The following MAML3 variants were observed in gnomAD, a reference collection of about 807,000 sequenced individuals.
MAML3 encodes the protein mastermind like transcriptional coactivator 3, also known as mastermind-like protein 3.
Under a neutral mutation model 101.9 loss-of-function variants are expected in MAML3, and 27 were observed. That is an observed-to-expected ratio of 0.27 (90% CI 0.20 to 0.37). MAML3 has a LOEUF of 0.37. Among genes scored for constraint, MAML3 ranks in the 10% least tolerant of loss-of-function variants. The probability of loss-of-function intolerance (pLI) is 1.00; values close to 1 mark genes in which losing one functional copy is unlikely to be tolerated. For synonymous variants in MAML3, 501 were observed against 555.9 expected, an observed-to-expected ratio of 0.90 and a Z score of 1.39; for missense variants, 1,316 against 1,444.9, an observed-to-expected ratio of 0.91 and a Z score of 1.45.
intron 1 of MAML3, among the ~76,000 whole-genome samples, chr4:139,943,576 G>T (rs914989647): frequency 2.6e-5 from 4 of 152,112 alleles, no homozygotes; most frequent in African/African-American, 4.8e-5. Flanking sequence ...GCCAGCTCTG[G>T]ATCCAAGTGA....
chr4:139,985,062 T>C (rs1560857176), intron 1 of MAML3, among the ~76,000 whole-genome samples: 1 of 152,342 alleles, frequency 6.6e-6, no homozygotes, highest in East Asian at 1.9e-4. Context: ...CATTATGACA[T>C]GGAAACACCA....
intron 1 of MAML3, among the ~76,000 whole-genome samples, chr4:139,935,030 A>G (rs1390169365): frequency 6.6e-6 from 1 of 152,054 alleles, no homozygotes; most frequent in Non-Finnish European, 1.5e-5. Context: ...CAGCTACTTA[A>G]TGTCTTGGGC....
intron 1 of MAML3, among the ~76,000 whole-genome samples, chr4:139,897,843 A>G (rs1211305207): frequency 1.3e-5 from 2 of 152,116 alleles, no homozygotes; most frequent in African/African-American, 2.4e-5. Flanking sequence ...AGGCTTAGCC[A>G]TTACCTCTCA....
chr4:139,799,204 G>A (rs1730565347), intron 2 of MAML3, among the ~76,000 whole-genome samples: 1 of 152,182 alleles, frequency 6.6e-6, no homozygotes, highest in Non-Finnish European at 1.5e-5. Context: ...GGTGAGTACT[G>A]CCATTTTTTT....
chr4:139,775,068 C>T (rs187026632), intron 2 of MAML3, among the ~76,000 whole-genome samples: 72 of 152,246 alleles, frequency 4.7e-4, no homozygotes, highest in Admixed American at 7.8e-4. Flanking sequence ...GTCACCATGA[C>T]TAGAATGAAA....
intron 2 of MAML3, among the ~76,000 whole-genome samples, chr4:139,866,259 C>A (rs955220508): frequency 2.0e-5 from 3 of 152,248 alleles, no homozygotes; most frequent in Admixed American, 2.0e-4. Context: ...TGTGGTACAT[C>A]TGCACTCTTG....
rs1730295170 is a variant in MAML3 at position 139,785,771 on chromosome 4, T to C, written c.2080-55104A>G. ...GCTGTGTTTTAAGAAGAGTCCTTGA[T>C]TGGCAAGTGAGCAGGGGGCAGCTTG... On this transcript the variant is annotated intron_variant, in intron 2 of 4. Transcript: ENST00000509479. This position sits in a 1 kb window ranked among gnomAD's most constrained non-coding sequence, Gnocchi z 4.3. Among the ~76,000 whole-genome samples, 1 of 152,068 alleles carries C rather than the reference T, an allele frequency of 6.6e-6. No individual in the cohort carries two copies. Among genetic ancestry groups the C allele is most frequent in the Admixed American group, 6.6e-5 (1 of 15,260 alleles).
intron 1 of MAML3, among the ~76,000 whole-genome samples, chr4:139,895,484 G>A (rs1056868438): frequency 8.5e-5 from 13 of 152,142 alleles, no homozygotes; most frequent in African/African-American, 2.2e-4. Flanking sequence ...CAGAGTTACC[G>A]TGAGTCTGAG....
intron 1 of MAML3, among the ~76,000 whole-genome samples, chr4:140,092,090 A>ATG (rs1553974742): frequency 1.5e-5 from 1 of 66,862 alleles, no homozygotes; most frequent in African/African-American, 3.9e-5. Context: ...ATATATACGT[A>ATG]TATATATATA....
At chr4:139,982,640 A>G (rs1409390573) in intron 1 of MAML3, among the ~76,000 whole-genome samples, 1 of 152,212 alleles carries the variant, frequency 6.6e-6, no homozygotes, top group African/African-American at 2.4e-5. Context: ...GATACTTTAT[A>G]CCATACACTT....
intron 1 of MAML3, among the ~76,000 whole-genome samples, chr4:139,997,979 G>A (rs116116371): frequency 4.6e-4 from 70 of 152,070 alleles, no homozygotes; most frequent in African/African-American, 1.6e-3. Flanking sequence ...TGAACAATCC[G>A]ACTATGATGT....
At chr4:140,096,132 A>G (rs1409023571) in intron 1 of MAML3, among the ~76,000 whole-genome samples, 1 of 152,192 alleles carries the variant, frequency 6.6e-6, no homozygotes, top group Non-Finnish European at 1.5e-5. Flanking sequence ...GGTGCTACCT[A>G]TTTAAAGAAG....
chr4:139,912,368 G>GA (rs111248005), intron 1 of MAML3, among the ~76,000 whole-genome samples: 15,920 of 152,064 alleles, frequency 0.1, 1,862 homozygotes, highest in African/African-American at 0.29. Flanking sequence ...TGCTAAGGAG[G>GA]AAAAAATAAA....
Position 140,086,038 on chromosome 4 carries a change from GTGA to G in MAML3, c.468+66819_468+66821del, listed in dbSNP as rs1727946015. Among the ~76,000 whole-genome samples the G allele has an allele frequency of 3.3e-5, 5 of 152,240 alleles. No homozygotes were observed. The South Asian group carries it at 8.3e-4, about 25-fold the overall frequency. On this transcript the variant is annotated intron_variant, in intron 1 of 4. Transcript: ENST00000509479. Reference sequence around the variant, plus strand: ...ACTCATGTAAACTTTCCATTTCACCGTGATGTTTTCTTTTCTTGGATTCAGCAC... The same window carrying G: ...ACTCATGTAAACTTTCCATTTCACCGTGTTTTCTTTTCTTGGATTCAGCAC...
At chr4:139,977,214 T>C (rs193271563) in intron 1 of MAML3, among the ~76,000 whole-genome samples, 1 of 152,316 alleles carries the variant, frequency 6.6e-6, no homozygotes, top group African/African-American at 2.4e-5. Flanking sequence ...TAAATTTCTG[T>C]TGTTTATAAA....
chr4:139,778,465 C>A (rs956584734), intron 2 of MAML3, among the ~76,000 whole-genome samples: 13 of 152,226 alleles, frequency 8.5e-5, no homozygotes, highest in African/African-American at 3.1e-4. Flanking sequence ...TCTCAGAGGG[C>A]AGCCACAGTG....
chr4:140,132,787 G>A (rs775563411), intron 1 of MAML3, among the ~76,000 whole-genome samples: 6 of 152,000 alleles, frequency 3.9e-5, no homozygotes, highest in Non-Finnish European at 7.4e-5. Flanking sequence ...TCCTATATGC[G>A]GCATATTTTC....
intron 1 of MAML3, among the ~76,000 whole-genome samples, chr4:140,078,699 T>C (rs1008064439): frequency 7.9e-5 from 12 of 152,136 alleles, no homozygotes; most frequent in African/African-American, 2.9e-4. Flanking sequence ...GGCATAAAAA[T>C]GAAAAGAAAG....
intron 1 of MAML3, among the ~76,000 whole-genome samples, chr4:140,017,500 C>T (rs189120540): frequency 6.6e-6 from 1 of 152,116 alleles, no homozygotes; most frequent in East Asian, 1.9e-4. Context: ...TATATGATTG[C>T]TCATATCAGT....
Sources: gnomAD v4.1 joint callset for allele counts (sites outside exome capture counted in the v4.1 genomes callset) on GRCh38, gnomAD v4.1.1 for gene constraint, Gnocchi (gnomAD v3.1) non-coding constraint, MANE v1.5 for transcripts, NCBI Gene and HGNC (gene_info 2026-07-23, HGNC 2026-07-21) for gene names.